Variants in ADAM12 observed in about 807,000 individuals in gnomAD.
ADAM12 encodes ADAM metallopeptidase domain 12.
In ADAM12, 70 loss-of-function variants were observed where a neutral mutation model predicts 106.4. The ratio of observed to expected loss-of-function variants is 0.66; its 90% CI spans 0.54 to 0.80. The LOEUF is 0.80. Ranked by LOEUF, ADAM12 falls within the 30% of genes least tolerant of loss-of-function variation. The pLI is 0.00. For missense variants in ADAM12, 1,010 were observed against 1,171.9 expected, an observed-to-expected ratio of 0.86 and a Z score of 2.02; for synonymous variants, 420 against 433.5, an observed-to-expected ratio of 0.97 and a Z score of 0.39.
intron 1 of ADAM12, among the ~76,000 whole-genome samples, chr10:126,334,917 T>C (rs1274726794): frequency 6.6e-6 from 1 of 152,180 alleles, no homozygotes; most frequent in Non-Finnish European, 1.5e-5. Context: ...CCTCGATTTA[T>C]TTTCCTTTGT....
chr10:126,165,661 C>T (rs2133751442), intron 3 of ADAM12, among the ~76,000 whole-genome samples: 1 of 152,318 alleles, frequency 6.6e-6, no homozygotes, highest in South Asian at 2.1e-4. Flanking sequence ...CACTGGTGGA[C>T]ACTGCCTTCC....
At chr10:126,067,356 C>G (rs1954892616) in intron 12 of ADAM12, among the ~76,000 whole-genome samples, 1 of 152,194 alleles carries the variant, frequency 6.6e-6, no homozygotes, top group African/African-American at 2.4e-5. Context: ...GTTGTCTGGC[C>G]TGACAATTCC....
At position 126,209,324 on chromosome 10, in the gene ADAM12, A is replaced by G. The variant is rs117571775; in HGVS notation, c.261-54019T>C. On this transcript the variant is annotated intron_variant, in intron 3 of 22. Transcript: ENST00000448723. Reference sequence around the variant, plus strand: ...ACACCTCTATAAAATTCTGTTAGATATGTAAATTGTTTCAAACTGATAAAA... The same window carrying G: ...ACACCTCTATAAAATTCTGTTAGATGTGTAAATTGTTTCAAACTGATAAAA... Among the ~76,000 whole-genome samples, 1,115 of 152,348 alleles carry G rather than the reference A, an allele frequency of 7.3e-3. 9 individuals are homozygous for G. Among genetic ancestry groups the G allele is most frequent in the Non-Finnish European group, 0.013 (859 of 68,022 alleles).
chr10:126,312,131 GAAAAAAAA>G (rs35783742), intron 2 of ADAM12, among the ~76,000 whole-genome samples: 2 of 123,980 alleles, frequency 1.6e-5, no homozygotes, highest in African/African-American at 3.1e-5. Flanking sequence ...GGTTGGTGTG[GAAAAAAAA>G]AAAAAAAAAA....
chr10:126,220,525 A>T (rs1958070465), intron 3 of ADAM12, among the ~76,000 whole-genome samples: 1 of 152,136 alleles, frequency 6.6e-6, no homozygotes, highest in Non-Finnish European at 1.5e-5. Context: ...TTCATTCTAA[A>T]ATGATTTTTG....
At position 126,071,327 on chromosome 10, in the gene ADAM12, C is replaced by T; in HGVS notation, c.1323+150G>A. 3.5e-6 allele frequency: 3 copies of T among 861,658 alleles called. No individual in the cohort carries two copies. The South Asian group carries it at 6.5e-5, about 19-fold the overall frequency. 53.4% of individuals were successfully genotyped at this position (861,658 alleles called of 1,614,324 possible). On this transcript the variant is annotated intron_variant, in intron 12 of 22. Coordinates refer to ENST00000448723, the MANE Select transcript of ADAM12 (RefSeq NM_001288973.2). ...AAAATTCAAGAAAGCCACCCTAGCT[C>T]ACGGGGCTTGTTCAGGATGGGCAGA... is the stretch of plus-strand genomic sequence containing the variant.
chr10:126,066,955 A>T lies in ADAM12; in HGVS notation c.1324-149T>A. On this transcript the variant is annotated intron_variant, in intron 12 of 22. Transcript: ENST00000448723. The surrounding 1 kb of genome is among the most constrained non-coding windows in gnomAD (Gnocchi z 5.1). ...GCACACCTGCCTGTTTCCGTCTGTT[A>T]GGAAAGCAAAGCTTCTGCTTTTTAT... 1.4e-6 allele frequency: 1 copy of T among 729,794 alleles called. No homozygotes were observed. The highest frequency in any genetic ancestry group is 2.3e-6 in the Non-Finnish European group (1 of 434,652). 45.2% of individuals were successfully genotyped at this position (729,794 alleles called of 1,614,324 possible).
chr10:126,381,974 CAA>C (rs11299278), intron 1 of ADAM12, among the ~76,000 whole-genome samples: 203 of 139,134 alleles, frequency 1.5e-3, no homozygotes, highest in Middle Eastern at 0.011. Flanking sequence ...GACCCTGTCT[CAA>C]AAAAAAAAAA....
At chr10:126,249,746 C>A (rs577840196) in intron 3 of ADAM12, among the ~76,000 whole-genome samples, 1 of 152,148 alleles carries the variant, frequency 6.6e-6, no homozygotes, top group Non-Finnish European at 1.5e-5. Context: ...CCCTTGCCTG[C>A]AATGTAATTT....
intron 1 of ADAM12, among the ~76,000 whole-genome samples, chr10:126,377,454 G>C (rs1018238894): frequency 6.6e-5 from 10 of 151,934 alleles, no homozygotes; most frequent in African/African-American, 1.7e-4. Flanking sequence ...AGTCAGTCTA[G>C]TCTTTTCACA....
intron 3 of ADAM12, among the ~76,000 whole-genome samples, chr10:126,156,264 G>A (rs933643060): frequency 1.4e-4 from 21 of 152,110 alleles, no homozygotes; most frequent in African/African-American, 5.1e-4. Context: ...AGGAGAGTAA[G>A]GTCTGGAGGC....
At chr10:126,117,916 A>C in intron 6 of ADAM12, 122 bp downstream of exon 6, 1 of 1,114,192 alleles carries the variant, frequency 9.0e-7, no homozygotes, top group Non-Finnish European at 1.3e-6. Context: ...TAAACTGGGC[A>C]CTTCCATCCC....
intron 1 of ADAM12, among the ~76,000 whole-genome samples, chr10:126,335,474 A>C (rs1372128450): frequency 6.6e-6 from 1 of 152,204 alleles, no homozygotes; most frequent in East Asian, 1.9e-4. Flanking sequence ...CAATTTTTTT[A>C]GCCCCTAAAT....
chr10:126,105,864 C>G (rs762613438), intron 8 of ADAM12, among the ~76,000 whole-genome samples: 10 of 152,216 alleles, frequency 6.6e-5, no homozygotes, highest in Non-Finnish European at 1.0e-4. Context: ...CTACTGAAAA[C>G]ACATCAACAG....
intron 3 of ADAM12, among the ~76,000 whole-genome samples, chr10:126,240,112 G>T (rs1958493840): frequency 6.6e-6 from 1 of 150,506 alleles, no homozygotes; most frequent in African/African-American, 2.5e-5. Flanking sequence ...GCTCAGCAGT[G>T]AAGTGCTGTA....
chr10:126,254,418 A>G (rs1958848909), intron 3 of ADAM12, among the ~76,000 whole-genome samples: 3 of 152,210 alleles, frequency 2.0e-5, no homozygotes, highest in Non-Finnish European at 2.9e-5. Flanking sequence ...CACTGGCTCC[A>G]GGAAGAACCT....
At chr10:126,154,801 C>T (rs554202856) in intron 4 of ADAM12, among the ~76,000 whole-genome samples, 19 of 152,250 alleles carry the variant, frequency 1.2e-4, no homozygotes, top group Middle Eastern at 3.4e-3. Flanking sequence ...ATCGTATCCA[C>T]ATTGTGGATA....
intron 4 of ADAM12, among the ~76,000 whole-genome samples, chr10:126,149,417 G>GA (rs1325052277): frequency 6.6e-6 from 1 of 152,102 alleles, no homozygotes; most frequent in Non-Finnish European, 1.5e-5. Context: ...TCCCAAGTGA[G>GA]AAAGAAGGGG....
At chr10:126,268,996 AG>A (rs1238619117) in intron 3 of ADAM12, among the ~76,000 whole-genome samples, 2 of 152,230 alleles carry the variant, frequency 1.3e-5, no homozygotes, top group African/African-American at 4.8e-5. Flanking sequence ...TAGACACAGC[AG>A]CCCCGAGAAC....
Sources: gnomAD v4.1 joint callset for allele counts (sites outside exome capture counted in the v4.1 genomes callset) on GRCh38, gnomAD v4.1.1 for gene constraint, Gnocchi (gnomAD v3.1) non-coding constraint, MANE v1.5 for transcripts, NCBI Gene and HGNC (gene_info 2026-07-23, HGNC 2026-07-21) for gene names.